The following CNTNAP5 variants were observed in gnomAD, a reference collection of about 807,000 sequenced individuals.
The protein encoded by CNTNAP5 is contactin associated protein family member 5.
In CNTNAP5, 72 loss-of-function variants were observed where a neutral mutation model predicts 150.2. The ratio of observed to expected loss-of-function variants is 0.48; its 90% CI spans 0.40 to 0.58. The LOEUF is 0.58. Ranked by LOEUF, CNTNAP5 falls within the 20% of genes least tolerant of loss-of-function variation. The pLI is 0.00. For missense variants in CNTNAP5, 1,636 were observed against 1,626.2 expected (o/e 1.01, Z -0.10); for synonymous variants, 672 against 619.8 (o/e 1.08, Z -1.25).
At chr2:124,686,601 C>A (rs1284625670) in intron 13 of CNTNAP5, among the ~76,000 whole-genome samples, 4 of 152,140 alleles carry the variant, frequency 2.6e-5, no homozygotes, top group Non-Finnish European at 5.9e-5. Context: ...GTGAAGTTAT[C>A]TTGGACATTC....
At chr2:124,572,415 C>T (rs1185630254) in intron 11 of CNTNAP5, among the ~76,000 whole-genome samples, 3 of 152,036 alleles carry the variant, frequency 2.0e-5, no homozygotes, top group Non-Finnish European at 2.9e-5. Flanking sequence ...CCCCATGACA[C>T]GTGTTTACCT....
At chr2:124,133,706 A>G (rs891657487) in intron 1 of CNTNAP5, among the ~76,000 whole-genome samples, 4 of 152,048 alleles carry the variant, frequency 2.6e-5, no homozygotes, top group Non-Finnish European at 4.4e-5. Context: ...CAGATCTGTG[A>G]TTATGTCAGG....
At chr2:124,165,746 A>C (rs1684798387) in intron 1 of CNTNAP5, among the ~76,000 whole-genome samples, 2 of 152,140 alleles carry the variant, frequency 1.3e-5, no homozygotes, top group Admixed American at 1.3e-4. Context: ...TCTAGGGTAA[A>C]AGACATTAGA....
chr2:124,867,803 G>A (rs1196409874), intron 20 of CNTNAP5, among the ~76,000 whole-genome samples: 1 of 152,052 alleles, frequency 6.6e-6, no homozygotes, highest in Non-Finnish European at 1.5e-5. Context: ...CACTAATCCT[G>A]TCCCTGGATT....
intron 21 of CNTNAP5, among the ~76,000 whole-genome samples, chr2:124,902,530 T>A (rs951449065): frequency 1.3e-5 from 2 of 152,156 alleles, no homozygotes; most frequent in African/African-American, 2.4e-5. Context: ...TAAATGATGA[T>A]GCAGATAATG....
At chr2:124,908,658 A>T (rs1172803072) in intron 22 of CNTNAP5, among the ~76,000 whole-genome samples, 1 of 152,164 alleles carries the variant, frequency 6.6e-6, no homozygotes, top group Non-Finnish European at 1.5e-5. Context: ...CATTTTCTTC[A>T]GGAAATAACT....
intron 1 of CNTNAP5, among the ~76,000 whole-genome samples, chr2:124,115,446 G>C (rs1683402671): frequency 6.6e-6 from 1 of 152,056 alleles, no homozygotes; most frequent in Non-Finnish European, 1.5e-5. Context: ...CAGGCCCTCA[G>C]TTTTTGGAAA....
At chr2:124,849,428 T>A (rs1046604456) in intron 19 of CNTNAP5, among the ~76,000 whole-genome samples, 23 of 152,170 alleles carry the variant, frequency 1.5e-4, no homozygotes, top group African/African-American at 5.3e-4. Context: ...AAGCTTTTGA[T>A]CACTATAGTT....
intron 19 of CNTNAP5, among the ~76,000 whole-genome samples, chr2:124,828,179 T>C (rs1342316341): frequency 2.0e-5 from 3 of 152,160 alleles, no homozygotes; most frequent in Non-Finnish European, 4.4e-5. Flanking sequence ...TGTCTACTTG[T>C]TATTTAAAAA....
intron 3 of CNTNAP5, among the ~76,000 whole-genome samples, chr2:124,338,689 T>A (rs1357234626): frequency 6.6e-6 from 1 of 152,084 alleles, no homozygotes; most frequent in Non-Finnish European, 1.5e-5. Flanking sequence ...TAAGGGAACT[T>A]CAGAGAGAGC....
intron 1 of CNTNAP5, among the ~76,000 whole-genome samples, chr2:124,083,429 G>C (rs1038966558): frequency 1.3e-5 from 2 of 152,028 alleles, no homozygotes; most frequent in African/African-American, 4.8e-5. Flanking sequence ...CCCATGTTTA[G>C]GGTCTTTTGT....
At chr2:124,749,082 C>G (rs1216822052) in intron 14 of CNTNAP5, among the ~76,000 whole-genome samples, 1 of 152,110 alleles carries the variant, frequency 6.6e-6, no homozygotes, top group East Asian at 1.9e-4. Flanking sequence ...TTTAGACAAT[C>G]TTTAAAGAAG....
At chr2:124,849,582 A>T (rs1353307491) in intron 19 of CNTNAP5, among the ~76,000 whole-genome samples, 1 of 152,184 alleles carries the variant, frequency 6.6e-6, no homozygotes, top group African/African-American at 2.4e-5. Flanking sequence ...TACAATTGGA[A>T]TTTTAATAAG....
chr2:124,414,351 C>T (rs1016931470), intron 3 of CNTNAP5, among the ~76,000 whole-genome samples: 5 of 152,096 alleles, frequency 3.3e-5, no homozygotes, highest in African/African-American at 1.2e-4. Flanking sequence ...TAGATTCAAT[C>T]TGCCTCTACT....
At chr2:124,066,163 G>A (rs73952578) in intron 1 of CNTNAP5, among the ~76,000 whole-genome samples, 2,108 of 151,984 alleles carry the variant, frequency 0.014, 54 homozygotes, top group African/African-American at 0.049. Context: ...AGGGTTAATG[G>A]GTAGGGTGCC....
chr2:124,108,246 T>C (rs1683211193), intron 1 of CNTNAP5, among the ~76,000 whole-genome samples: 1 of 152,182 alleles, frequency 6.6e-6, no homozygotes, highest in Non-Finnish European at 1.5e-5. Flanking sequence ...TCCTTAATCC[T>C]CTCTCTCTTT....
intron 9 of CNTNAP5, among the ~76,000 whole-genome samples, chr2:124,526,145 C>G (rs1183096574): frequency 1.3e-5 from 2 of 152,176 alleles, no homozygotes; most frequent in African/African-American, 4.8e-5. Context: ...GCTCTCCTCC[C>G]TCAGTTGAAG....
intron 2 of CNTNAP5, among the ~76,000 whole-genome samples, chr2:124,229,383 A>G (rs1475584425): frequency 2.0e-5 from 3 of 152,148 alleles, no homozygotes; most frequent in Non-Finnish European, 2.9e-5. Context: ...TTAAAGCTCA[A>G]CTATAATAGT....
At chr2:124,877,976 T>C (rs1383740653) in intron 21 of CNTNAP5, among the ~76,000 whole-genome samples, 1 of 152,126 alleles carries the variant, frequency 6.6e-6, no homozygotes, top group Non-Finnish European at 1.5e-5. Flanking sequence ...TTTTTATAGA[T>C]GAGAAAATTG....
Sources: allele counts gnomAD v4.1 joint callset (sites outside exome capture counted in the v4.1 genomes callset), GRCh38; gene constraint gnomAD v4.1.1; transcripts MANE v1.5; gene names NCBI Gene and HGNC (gene_info 2026-07-23, HGNC 2026-07-21).